Variants in RAPGEF2 observed in about 807,000 individuals in gnomAD.
RAPGEF2 encodes PDZ domain containing guanine nucleotide exchange factor (GEF) 1.
In RAPGEF2, 54 loss-of-function variants were observed where a neutral mutation model predicts 186.7. That is an observed-to-expected ratio of 0.29 (90% CI 0.23 to 0.36). The LOEUF (loss-of-function observed/expected upper bound fraction) is 0.36, where lower values mean the gene tolerates loss of function less well. Among genes scored for constraint, RAPGEF2 ranks in the 10% least tolerant of loss-of-function variants. The probability of loss-of-function intolerance (pLI) is 1.00; values close to 1 mark genes in which losing one functional copy is unlikely to be tolerated. For synonymous variants in RAPGEF2, 712 were observed against 705.9 expected (o/e 1.01, Z -0.14); for missense variants, 1,532 against 2,045.0 (o/e 0.75, Z 4.84).
At chr4:159,321,353 C>T (rs148720998) in intron 9 of RAPGEF2, among the ~76,000 whole-genome samples, 152 of 152,072 alleles carry the variant, frequency 1.0e-3, no homozygotes, top group African/African-American at 3.6e-3. Context: ...ACTATAGGTA[C>T]GCACCACCAC....
At position 159,330,029 on chromosome 4, in the gene RAPGEF2, C is replaced by A; in HGVS notation, c.1302+19C>A. 3 of 1,582,050 alleles carry A rather than the reference C, an allele frequency of 1.9e-6. No homozygotes were observed. Among genetic ancestry groups the A allele is most frequent in the South Asian group, 2.3e-5 (2 of 86,536 alleles). On this transcript the variant is annotated intron_variant, in intron 12 of 29. Transcript: ENST00000691494. ...CATCAAGGTAGGACACAGGACCACT[C>A]CTTCCCAAGGAAAGGAATTTTTTTT...
In RAPGEF2 at chr4:159,352,865, G is replaced by T. The variant is rs767918847; in HGVS notation, c.4046G>T (p.Arg1349Met). 2.5e-6 allele frequency: 4 copies of T among 1,614,120 alleles called. No homozygotes were observed. In the East Asian group the frequency reaches 6.7e-5, roughly 27 times the overall value. The change falls in exon 27 of 30, where the codon AGG (arginine) becomes ATG (methionine). Residue 1349 changes from arginine to methionine, a missense_variant. Arg to Met is a moderately conservative substitution (Grantham distance 91). Transcript: ENST00000691494. ...SIVETNLGMGRMERRTMIEPD... is the reference protein window; with the variant it reads ...SIVETNLGMGMMERRTMIEPD... ...GTGGAAACAAACCTAGGGATGGGCAGGATGGAGAGGCGGACCATGATTGAA... is the reference window on the plus strand; with the variant it reads ...GTGGAAACAAACCTAGGGATGGGCATGATGGAGAGGCGGACCATGATTGAA...
chr4:159,120,123 A>AT (rs1344229904), intron 1 of RAPGEF2, among the ~76,000 whole-genome samples: 1 of 152,002 alleles, frequency 6.6e-6, no homozygotes, highest in Non-Finnish European at 1.5e-5. Flanking sequence ...GGGTTCAGGC[A>AT]ATTCTCGTGT....
intron 7 of RAPGEF2, among the ~76,000 whole-genome samples, chr4:159,283,345 T>G (rs1221045289): frequency 6.6e-6 from 1 of 152,200 alleles, no homozygotes; most frequent in Non-Finnish European, 1.5e-5. Context: ...TTAAGTTATA[T>G]CTACTACATG....
In RAPGEF2 at chr4:159,352,809, T is replaced by C. The variant is rs369989338; in HGVS notation, c.3990T>C (p.Asp1330=). ...ACTCAGTGCCAGTCTCACTGCACGATGAGAGGCGCCAGAGGCATTCTGTCA... is the reference window on the plus strand; with the variant it reads ...ACTCAGTGCCAGTCTCACTGCACGACGAGAGGCGCCAGAGGCATTCTGTCA... ...SFDSVPVSLH[D]ERRQRHSVSI... The change falls in exon 27 of 30, where the codon GAT becomes GAC. Residue 1330 remains aspartate, a synonymous_variant. Coordinates refer to ENST00000691494, the MANE Select transcript of RAPGEF2 (RefSeq NM_001394067.2). 3.1e-6 allele frequency: 5 copies of C among 1,614,224 alleles called. No individual in the cohort carries two copies. The highest frequency in any genetic ancestry group is 3.3e-5 in the Admixed American group (2 of 60,022).
At chr4:159,272,343 A>G (rs901084876) in intron 7 of RAPGEF2, among the ~76,000 whole-genome samples, 1 of 152,166 alleles carries the variant, frequency 6.6e-6, no homozygotes, top group African/African-American at 2.4e-5. Flanking sequence ...TCCCTTATAA[A>G]CATACAAGAT....
At chr4:159,348,066 C>A (rs149392850) in intron 25 of RAPGEF2, among the ~76,000 whole-genome samples, 2 of 152,010 alleles carry the variant, frequency 1.3e-5, no homozygotes, top group East Asian at 3.9e-4. Flanking sequence ...ACGAAAAATA[C>A]AAAACTTAGC....
intron 1 of RAPGEF2, among the ~76,000 whole-genome samples, chr4:159,140,644 C>G (rs1222331475): frequency 6.6e-6 from 1 of 152,032 alleles, no homozygotes; most frequent in Non-Finnish European, 1.5e-5. Context: ...AGGAAAGGTT[C>G]TCAGTGACAA....
rs541544153 is a variant in RAPGEF2 at position 159,123,932 on chromosome 4, C to T, written c.69+19701C>T. On this transcript the variant is annotated intron_variant, in intron 1 of 29. Transcript: ENST00000691494. ...GTGCAGTGGCGTGTTCTCGTCTCACCGCAAACTCTGCCTCCCGGGTTCAAG... is the reference window on the plus strand; with the variant it reads ...GTGCAGTGGCGTGTTCTCGTCTCACTGCAAACTCTGCCTCCCGGGTTCAAG... Among the ~76,000 whole-genome samples the T allele has an allele frequency of 2.0e-3, 306 of 152,092 alleles. 2 individuals are homozygous for T. The highest frequency in any genetic ancestry group is 3.7e-3 in the Non-Finnish European group (252 of 67,960).
At chr4:159,204,259 T>G (rs888536482) in intron 3 of RAPGEF2, among the ~76,000 whole-genome samples, 7 of 152,068 alleles carry the variant, frequency 4.6e-5, no homozygotes, top group African/African-American at 1.4e-4. Flanking sequence ...TGGAAAACAG[T>G]GAGTGAGAAG....
intron 7 of RAPGEF2, 46 bp downstream of exon 7, chr4:159,243,837 G>T: frequency 8.3e-7 from 1 of 1,200,450 alleles, no homozygotes; most frequent in African/African-American, 1.6e-5. Context: ...CTAAGTTTAC[G>T]TGTGAATTTG....
intron 1 of RAPGEF2, among the ~76,000 whole-genome samples, chr4:159,106,896 A>G (rs1737950579): frequency 6.6e-6 from 1 of 152,184 alleles, no homozygotes; most frequent in South Asian, 2.1e-4. Context: ...ACTTTCATAA[A>G]TTGGGAGCTT....
intron 26 of RAPGEF2, 46 bp from the exon 27 acceptor site, chr4:159,352,639 T>C (rs1462633931): frequency 6.8e-7 from 1 of 1,470,456 alleles, no homozygotes; most frequent in Admixed American, 1.7e-5. Flanking sequence ...CCTTTGATGT[T>C]ATAAACCTAG....
chr4:159,242,334 AGTT>A (rs913563859), intron 6 of RAPGEF2, among the ~76,000 whole-genome samples: 25 of 151,956 alleles, frequency 1.6e-4, no homozygotes, highest in African/African-American at 6.0e-4. Context: ...TACATTCCCC[AGTT>A]GTTTTCCTTT....
intron 7 of RAPGEF2, among the ~76,000 whole-genome samples, chr4:159,253,784 C>T (rs528487474): frequency 9.9e-5 from 15 of 152,040 alleles, no homozygotes; most frequent in African/African-American, 3.4e-4. Context: ...CTGGCTAATA[C>T]GGTGAAACCC....
At chr4:159,310,186 G>T (rs569774395) in intron 8 of RAPGEF2, among the ~76,000 whole-genome samples, 1 of 152,164 alleles carries the variant, frequency 6.6e-6, no homozygotes, top group South Asian at 2.1e-4. Context: ...TAGTAATTGA[G>T]CATATAAGGA....
intron 11 of RAPGEF2, chr4:159,328,760 C>G (rs1460562336): frequency 6.6e-6 from 1 of 152,138 alleles, no homozygotes; most frequent in Non-Finnish European, 1.5e-5. Flanking sequence ...ATAATAGCAC[C>G]TTCCTCATGG....
chr4:159,257,477 A>G (rs1474813666), intron 7 of RAPGEF2, among the ~76,000 whole-genome samples: 3 of 152,158 alleles, frequency 2.0e-5, no homozygotes, highest in Non-Finnish European at 2.9e-5. Flanking sequence ...CCATGATTTA[A>G]TCGTCTCCTA....
At position 159,343,321 on chromosome 4, in the gene RAPGEF2, G is replaced by A. The variant is rs1729811981; in HGVS notation, c.3171G>A (p.Lys1057=). The change falls in exon 22 of 30, where the codon AAG becomes AAA. Residue 1057 remains lysine (K), a synonymous_variant. Transcript: ENST00000691494. ...TAGACGGGCTGGTCAATTTTGAGAA[G>A]CTAAGGATGATTGCAAAAGAAATTC... ...SKVDGLVNFE[K]LRMIAKEIRH... is the part of the protein sequence containing the mutation. The A allele has an allele frequency of 1.2e-6, 2 of 1,614,124 alleles. No homozygotes were observed. The highest frequency in any genetic ancestry group is 1.7e-6 in the Non-Finnish European group (2 of 1,179,956).
Sources: allele counts gnomAD v4.1 joint callset (sites outside exome capture counted in the v4.1 genomes callset), GRCh38; gene constraint gnomAD v4.1.1; transcripts MANE v1.5; gene names NCBI Gene and HGNC (gene_info 2026-07-23, HGNC 2026-07-21).